The following ARHGAP22 variants were observed in gnomAD, a reference collection of about 807,000 sequenced individuals.
The protein encoded by ARHGAP22 is Rho GTPase activating protein 22, also known as rho GTPase-activating protein 22.
Under a neutral mutation model 59.1 loss-of-function variants are expected in ARHGAP22, and 48 were observed. The ratio of observed to expected loss-of-function variants is 0.81; its 90% CI spans 0.64 to 1.03. ARHGAP22 has a LOEUF of 1.03. Ranked by LOEUF, ARHGAP22 falls within the 50% of genes least tolerant of loss-of-function variation. The pLI is 0.00. For missense variants in ARHGAP22, 1,015 were observed against 958.7 expected (o/e 1.06, Z -0.78); for synonymous variants, 445 against 416.4 (o/e 1.07, Z -0.84).
intron 3 of ARHGAP22, among the ~76,000 whole-genome samples, chr10:48,487,651 T>C (rs2049987328): frequency 6.6e-6 from 1 of 152,164 alleles, no homozygotes; most frequent in African/African-American, 2.4e-5. Context: ...AGACCCTCCA[T>C]AACGGAATTC....
At chr10:48,643,942 G>C (rs1323395495) in intron 1 of ARHGAP22, among the ~76,000 whole-genome samples, 2 of 152,076 alleles carry the variant, frequency 1.3e-5, no homozygotes, top group African/African-American at 4.8e-5. Flanking sequence ...GAGGTGGGGA[G>C]TTTGAGACCA....
At chr10:48,593,058 G>A (rs1429487970) in intron 1 of ARHGAP22, among the ~76,000 whole-genome samples, 2 of 152,210 alleles carry the variant, frequency 1.3e-5, no homozygotes, top group African/African-American at 2.4e-5. Context: ...GTCTCCTGCT[G>A]TTCCTACAGA....
At chr10:48,496,460 A>T (rs976012610) in intron 3 of ARHGAP22, among the ~76,000 whole-genome samples, 1 of 152,170 alleles carries the variant, frequency 6.6e-6, no homozygotes, top group African/African-American at 2.4e-5. Context: ...CATTTTACAG[A>T]TAAAGAAACT....
At chr10:48,647,382 A>G (rs2062351983) in intron 1 of ARHGAP22, among the ~76,000 whole-genome samples, 2 of 152,228 alleles carry the variant, frequency 1.3e-5, no homozygotes, top group Non-Finnish European at 1.5e-5. Flanking sequence ...GACAAGAGCA[A>G]AACTCAGTAT....
At chr10:48,530,857 G>A (rs1293187062) in intron 3 of ARHGAP22, among the ~76,000 whole-genome samples, 3 of 129,524 alleles carry the variant, frequency 2.3e-5, no homozygotes, top group Admixed American at 1.7e-4. Flanking sequence ...ATGGAAAACA[G>A]TGTGGGGATT....
chr10:48,584,534 G>A (rs191326899), intron 1 of ARHGAP22, among the ~76,000 whole-genome samples: 1 of 152,312 alleles, frequency 6.6e-6, no homozygotes, highest in East Asian at 1.9e-4. Context: ...ACTCTGGACT[G>A]AAGGGTGGGG....
intron 2 of ARHGAP22, among the ~76,000 whole-genome samples, chr10:48,572,490 C>A (rs998086101): frequency 6.6e-6 from 1 of 152,220 alleles, no homozygotes; most frequent in African/African-American, 2.4e-5. Flanking sequence ...GCCTTCATGT[C>A]CCTGCTTCAC....
intron 3 of ARHGAP22, among the ~76,000 whole-genome samples, chr10:48,482,079 A>C (rs1365174898): frequency 6.6e-6 from 1 of 152,180 alleles, no homozygotes; most frequent in African/African-American, 2.4e-5. Flanking sequence ...TTCTATTAAC[A>C]GTGTATTTCC....
upstream of ARHGAP22, among the ~76,000 whole-genome samples, chr10:48,655,107 C>T (rs868232253): frequency 3.0e-3 from 60 of 19,928 alleles, 9 homozygotes; most frequent in African/African-American, 9.2e-3. Context: ...CTCTTCTCTT[C>T]TCTTCTCTTT....
At chr10:48,472,351 C>T (rs1258671781) in intron 4 of ARHGAP22, among the ~76,000 whole-genome samples, 1 of 151,746 alleles carries the variant, frequency 6.6e-6, no homozygotes, top group Admixed American at 6.6e-5. Context: ...TGGTGAAACC[C>T]CTGCTGTACT....
At position 48,630,417 on chromosome 10, in the gene ARHGAP22, T is replaced by C. The variant is rs184714908; in HGVS notation, c.52+21817A>G. 1.4e-3 allele frequency among the ~76,000 whole-genome samples: 211 copies of C among 152,238 alleles called. 1 individual carries two copies. Among genetic ancestry groups the C allele is most frequent in the African/African-American group, 5.0e-3 (207 of 41,530 alleles). ...GAAATGACATCTTAACAATATTGAG[T>C]CTTCTAATCCATGACAGCGGAACAT... On this transcript the variant is annotated intron_variant, in intron 1 of 9. Transcript: ENST00000435790.
chr10:48,553,108 C>A (rs1397394536), intron 3 of ARHGAP22, among the ~76,000 whole-genome samples: 5 of 152,238 alleles, frequency 3.3e-5, no homozygotes, highest in African/African-American at 1.2e-4. Context: ...ATCCGGAGCC[C>A]CCAGTGGGAG....
chr10:48,549,463 C>T (rs985748418), intron 3 of ARHGAP22, among the ~76,000 whole-genome samples: 9 of 152,254 alleles, frequency 5.9e-5, no homozygotes, highest in African/African-American at 1.9e-4. Context: ...GGCACCATGC[C>T]TATCACCTTC....
chr10:48,584,902 G>A (rs1050923195), intron 1 of ARHGAP22, among the ~76,000 whole-genome samples: 49 of 152,002 alleles, frequency 3.2e-4, no homozygotes, highest in Middle Eastern at 3.4e-3. Context: ...GCTGAGGCAG[G>A]AGAATGGCCT....
intron 4 of ARHGAP22, among the ~76,000 whole-genome samples, chr10:48,467,309 C>A (rs1056610579): frequency 9.2e-5 from 14 of 152,154 alleles, no homozygotes; most frequent in African/African-American, 3.4e-4. Context: ...GGTTAGGTTT[C>A]TGAGACCAGC....
chr10:48,637,677 A>T (rs1565038839), intron 1 of ARHGAP22, among the ~76,000 whole-genome samples: 1 of 151,888 alleles, frequency 6.6e-6, no homozygotes, highest in Non-Finnish European at 1.5e-5. Context: ...GGATGAGTGG[A>T]TGGGTGGATG....
At chr10:48,655,069 CT>C (rs1554968117), upstream of ARHGAP22, among the ~76,000 whole-genome samples, 3 of 12,208 alleles carry the variant, frequency 2.5e-4, no homozygotes, top group African/African-American at 5.3e-4. Context: ...TCCTTCCCTC[CT>C]TCTCTTCTCT....
At position 48,570,826 on chromosome 10, in the gene ARHGAP22, G is replaced by T. The variant is rs568187193; in HGVS notation, c.234+12127C>A. 1.6e-3 allele frequency among the ~76,000 whole-genome samples: 247 copies of T among 152,312 alleles called. 2 individuals are homozygous for T. Among genetic ancestry groups the T allele is most frequent in the African/African-American group, 5.8e-3 (241 of 41,566 alleles). On this transcript the variant is annotated intron_variant, in intron 2 of 9. Transcript: ENST00000249601. ...TTGCCACCAACTGTGTCTCCCCAGA[G>T]ACCTTCACCTGGCCCAATAGTGGAG...
chr10:48,468,786 G>A (rs979827867), intron 4 of ARHGAP22, among the ~76,000 whole-genome samples: 1 of 152,170 alleles, frequency 6.6e-6, no homozygotes, highest in African/African-American at 2.4e-5. Context: ...CCTAGTCCTG[G>A]CCCTGACACT....
Sources: allele counts gnomAD v4.1 joint callset (sites outside exome capture counted in the v4.1 genomes callset), GRCh38; gene constraint gnomAD v4.1.1; transcripts MANE v1.5; gene names NCBI Gene and HGNC (gene_info 2026-07-23, HGNC 2026-07-21).